Variants in SUMF1 observed in about 807,000 individuals in gnomAD.
SUMF1 encodes the protein formylglycine-generating enzyme.
SUMF1 carries 48 observed loss-of-function variants against 47.6 expected under a neutral mutation model. The observed-to-expected ratio is 1.01, with a 90% CI of 0.80 to 1.28. The LOEUF (loss-of-function observed/expected upper bound fraction) is 1.28. SUMF1 is among the 50% of genes most tolerant of loss of function. The pLI is 0.00. For synonymous variants in SUMF1, 230 were observed against 192.1 expected (o/e 1.20, Z -1.63); for missense variants, 571 against 485.4 (o/e 1.18, Z -1.66).
At chr3:4,204,347 C>A (rs533302212) in intron 8 of SUMF1, among the ~76,000 whole-genome samples, 1 of 152,166 alleles carries the variant, frequency 6.6e-6, no homozygotes, top group South Asian at 2.1e-4. Flanking sequence ...AAGTCTGCTG[C>A]CAGACATATT....
chr3:4,184,029 G>A (rs1401413514), intron 8 of SUMF1, among the ~76,000 whole-genome samples: 1 of 151,890 alleles, frequency 6.6e-6, no homozygotes, highest in African/African-American at 2.4e-5. Context: ...CACCTACTCG[G>A]GAGGCTGAAG....
At chr3:4,449,002 T>C (rs1469924059) in intron 3 of SUMF1, among the ~76,000 whole-genome samples, 3 of 152,188 alleles carry the variant, frequency 2.0e-5, no homozygotes, top group Non-Finnish European at 4.4e-5. Context: ...CCTACTGAGC[T>C]CTACCTAGCA....
At chr3:4,170,738 G>A (rs1694815008) in intron 8 of SUMF1, among the ~76,000 whole-genome samples, 1 of 152,060 alleles carries the variant, frequency 6.6e-6, no homozygotes, top group African/African-American at 2.4e-5. Flanking sequence ...AAAAAGAATT[G>A]TCTTTTCAAC....
chr3:4,216,643 T>G (rs1695931125), intron 8 of SUMF1, among the ~76,000 whole-genome samples: 2 of 151,440 alleles, frequency 1.3e-5, no homozygotes, highest in African/African-American at 4.8e-5. Context: ...ATATCCAGAA[T>G]CTACAAAGAA....
At chr3:4,227,440 G>A (rs1224958326) in intron 8 of SUMF1, among the ~76,000 whole-genome samples, 1 of 152,092 alleles carries the variant, frequency 6.6e-6, no homozygotes, top group Non-Finnish European at 1.5e-5. Flanking sequence ...AACCACAAGG[G>A]AAACTGTAGT....
chr3:4,313,388 GA>G, intron 8 of SUMF1: 1 of 1,613,904 alleles, frequency 6.2e-7, no homozygotes. Flanking sequence ...ACTTATATAG[GA>G]AATATTGGAA....
chr3:4,059,635 G>C (rs113934802), intron 9 of SUMF1, among the ~76,000 whole-genome samples: 170 of 152,234 alleles, frequency 1.1e-3, no homozygotes, highest in Non-Finnish European at 1.9e-3. Context: ...TACTGTTACT[G>C]AGTATACGCA....
chr3:4,105,721 G>T (rs111376022), intron 8 of SUMF1, among the ~76,000 whole-genome samples: 2,517 of 152,118 alleles, frequency 0.017, 95 homozygotes, highest in African/African-American at 0.057. Flanking sequence ...AATAAGACAA[G>T]ACGATAAAAT....
chr3:4,313,211 A>G (rs1165732929), intron 8 of SUMF1: 1 of 1,613,836 alleles, frequency 6.2e-7, no homozygotes, highest in Non-Finnish European at 8.5e-7. Flanking sequence ...CGTACCTTGG[A>G]ATTTATACCG....
intron 8 of SUMF1, among the ~76,000 whole-genome samples, chr3:4,132,644 G>A (rs866512864): frequency 4.6e-5 from 7 of 152,124 alleles, no homozygotes; most frequent in Middle Eastern, 6.8e-3. Context: ...TAGTTCCTGG[G>A]GGAGGAACGC....
At chr3:4,179,203 T>A (rs183613639) in intron 8 of SUMF1, among the ~76,000 whole-genome samples, 155 of 151,940 alleles carry the variant, frequency 1.0e-3, no homozygotes, top group Non-Finnish European at 1.0e-3. Context: ...TTCATATGGA[T>A]CCAAAAAAGA....
At chr3:4,235,558 A>G (rs1230410595) in intron 8 of SUMF1, among the ~76,000 whole-genome samples, 1 of 152,116 alleles carries the variant, frequency 6.6e-6, no homozygotes, top group Non-Finnish European at 1.5e-5. Context: ...CGCAAGTGCT[A>G]AAAATTATAA....
At chr3:4,038,709 C>T (rs1324936405) in intron 9 of SUMF1, among the ~76,000 whole-genome samples, 1 of 152,104 alleles carries the variant, frequency 6.6e-6, no homozygotes, top group Non-Finnish European at 1.5e-5. Flanking sequence ...TTTGTTTCTT[C>T]CCCAGACTGA....
chr3:4,275,336 C>A (rs756880599), intron 8 of SUMF1, among the ~76,000 whole-genome samples: 4 of 152,128 alleles, frequency 2.6e-5, no homozygotes, highest in Non-Finnish European at 5.9e-5. Flanking sequence ...GGCACCACTT[C>A]CCTCTGTGAT....
chr3:4,317,388 A>G (rs909132780), intron 8 of SUMF1: 6 of 655,672 alleles, frequency 9.2e-6, no homozygotes, highest in Non-Finnish European at 1.5e-5. Context: ...CTTTATTAAG[A>G]ATGTAGAAAT....
chr3:4,264,840 C>T (rs78446572), intron 8 of SUMF1, among the ~76,000 whole-genome samples: 2,553 of 152,238 alleles, frequency 0.017, 85 homozygotes, highest in African/African-American at 0.059. Context: ...CAGTTAAGAA[C>T]ATTTTGGACA....
At chr3:4,342,485 A>G (rs1312888747) in intron 8 of SUMF1, among the ~76,000 whole-genome samples, 5 of 152,242 alleles carry the variant, frequency 3.3e-5, no homozygotes, top group Non-Finnish European at 7.3e-5. Flanking sequence ...GTGAGCTGAT[A>G]TCATGCCCCT....
At chr3:4,415,858 G>A (rs572499366) in intron 6 of SUMF1, among the ~76,000 whole-genome samples, 2 of 152,194 alleles carry the variant, frequency 1.3e-5, no homozygotes, top group African/African-American at 4.8e-5. Context: ...CAAGGTTGAA[G>A]TGAGTGCTCT....
At chr3:4,455,284 A>G (rs1284380346) in intron 1 of SUMF1, among the ~76,000 whole-genome samples, 1 of 152,240 alleles carries the variant, frequency 6.6e-6, no homozygotes, top group South Asian at 2.1e-4. Flanking sequence ...ACTACTTATA[A>G]ACAATTATAT....
Sources: allele counts gnomAD v4.1 joint callset (sites outside exome capture counted in the v4.1 genomes callset), GRCh38; gene constraint gnomAD v4.1.1; transcripts MANE v1.5; gene names NCBI Gene and HGNC (gene_info 2026-07-23, HGNC 2026-07-21).